Variants in RANBP3 observed in about 807,000 individuals in gnomAD.
The protein encoded by RANBP3 is ran-binding protein 3.
A neutral mutation model predicts 77.3 loss-of-function variants in RANBP3; 14 were observed. That is an observed-to-expected ratio of 0.18 (90% CI 0.12 to 0.28). RANBP3 has a LOEUF of 0.28. Ranked by LOEUF, RANBP3 falls within the 10% of genes least tolerant of loss-of-function variation. The pLI is 1.00. For synonymous variants in RANBP3, 315 were observed against 312.4 expected (o/e 1.01, Z -0.09); for missense variants, 586 against 752.3 (o/e 0.78, Z 2.59).
intron 1 of RANBP3, among the ~76,000 whole-genome samples, chr19:5,964,927 A>G (rs903881351): frequency 6.7e-6 from 1 of 149,404 alleles, no homozygotes; most frequent in Non-Finnish European, 1.5e-5. Flanking sequence ...TTATACCTGC[A>G]TGTGTCAGTG....
At chr19:5,964,852 T>TA (rs1400764745) in intron 1 of RANBP3, among the ~76,000 whole-genome samples, 1 of 16,996 alleles carries the variant, frequency 5.9e-5, no homozygotes, top group African/African-American at 1.8e-4. Flanking sequence ...GGTGGTAGGG[T>TA]GGGGGGGGGG....
rs957360391 is a variant in RANBP3 at position 5,924,097 on chromosome 19, A to T, written c.997-183T>A. On this transcript the variant is annotated intron_variant, in intron 11 of 16. Coordinates refer to ENST00000340578, the MANE Select transcript of RANBP3 (RefSeq NM_007322.3). The surrounding 1 kb of genome is among the most constrained non-coding windows in gnomAD (Gnocchi z 4.7). Reference sequence around the variant, plus strand: ...GTCCCTCAGGCATCACTACGGGGTGAGTGCCACCAGCCGACAGTCCCCTCG... The same window carrying T: ...GTCCCTCAGGCATCACTACGGGGTGTGTGCCACCAGCCGACAGTCCCCTCG... Among the ~76,000 whole-genome samples the T allele has an allele frequency of 2.0e-5, 3 of 152,052 alleles. No individual in the cohort carries two copies.
intron 2 of RANBP3, among the ~76,000 whole-genome samples, chr19:5,953,650 A>G (rs2058300842): frequency 6.6e-6 from 1 of 152,230 alleles, no homozygotes; most frequent in South Asian, 2.1e-4. Flanking sequence ...CTACATAAGG[A>G]TATTTAAATT....
Position 5,958,120 on chromosome 19 carries a change from C to T in RANBP3, c.23-147G>A. 1.4e-6 allele frequency: 1 copy of T among 736,290 alleles called. No homozygotes were observed. The highest frequency in any genetic ancestry group is 2.2e-6 in the Non-Finnish European group (1 of 451,378). The allele number at this position is 736,290 out of a possible 1,614,324, so 45.6% of individuals were successfully genotyped here. ...CAAATCACTTAGAACAGCGTCTTGA[C>T]TCGGATGCCTGGAGGCACAGGTGTG... On this transcript the variant is annotated intron_variant, in intron 1 of 16. Coordinates refer to ENST00000340578, the MANE Select transcript of RANBP3 (RefSeq NM_007322.3). The surrounding 1 kb of genome is among the most constrained non-coding windows in gnomAD (Gnocchi z 4.4).
In RANBP3 at chr19:5,917,816, A is replaced by C; in HGVS notation, c.1638T>G (p.Ala546=). 6.2e-7 allele frequency: 1 copy of C among 1,611,662 alleles called. No homozygotes were observed. Among genetic ancestry groups the C allele is most frequent in the Non-Finnish European group, 8.5e-7 (1 of 1,179,330 alleles). ...EDDSDDDDVL[A]PSGATAAGAG... is the part of the protein sequence containing the mutation. Reference sequence around the variant, plus strand: ...CACCAGCTGCGGTGGCCCCTGAAGGAGCCAGGACATCGTCATCGTCGCTGT... The same window carrying C: ...CACCAGCTGCGGTGGCCCCTGAAGGCGCCAGGACATCGTCATCGTCGCTGT... The change falls in exon 16 of 17, where the codon GCT becomes GCG. Residue 546 remains alanine, a synonymous_variant. Coordinates refer to ENST00000340578, the MANE Select transcript of RANBP3 (RefSeq NM_007322.3).
intron 5 of RANBP3, among the ~76,000 whole-genome samples, chr19:5,936,389 G>C (rs1394500940): frequency 6.6e-6 from 1 of 151,954 alleles, no homozygotes; most frequent in African/African-American, 2.4e-5. Flanking sequence ...TGTGGACAAA[G>C]GTGTGTCCCC....
intron 3 of RANBP3, among the ~76,000 whole-genome samples, chr19:5,948,368 C>T (rs981784861): frequency 4.0e-5 from 6 of 151,508 alleles, no homozygotes; most frequent in Admixed American, 1.3e-4. Context: ...AGGAGAACGG[C>T]GTGAACCCCA....
intron 1 of RANBP3, among the ~76,000 whole-genome samples, chr19:5,977,796 G>T (rs931506371): frequency 6.6e-6 from 1 of 152,200 alleles, no homozygotes; most frequent in Non-Finnish European, 1.5e-5. Context: ...ACGCAGAGGG[G>T]CCTTAGGGCT....
In RANBP3 at chr19:5,921,212, T is replaced by C. The variant is rs1294202501; in HGVS notation, c.1319A>G (p.Gln440Arg). ...DMASTDDGTLQSRLVMRTQGS... is the reference protein window; with the variant it reads ...DMASTDDGTLRSRLVMRTQGS... ...CGTCGGCAGCTCACCTAGTCGGGACTGTAGTGTGCCGTCATCGGTGGACGC... is the reference window on the plus strand; with the variant it reads ...CGTCGGCAGCTCACCTAGTCGGGACCGTAGTGTGCCGTCATCGGTGGACGC... Residue 440 changes from glutamine to arginine, a missense_variant, in exon 14 of 17, where the codon CAG becomes CGG. This residue lies in a region of RANBP3 where 51 missense variants were observed against 123.2 expected (regional missense o/e 0.41). Coordinates refer to ENST00000340578, the MANE Select transcript of RANBP3 (RefSeq NM_007322.3). This position sits in a 1 kb window ranked among gnomAD's most constrained non-coding sequence, Gnocchi z 5.3. 1.2e-6 allele frequency: 2 copies of C among 1,612,246 alleles called. No individual in the cohort carries two copies. The highest frequency in any genetic ancestry group is 4.5e-5 in the East Asian group (2 of 44,862).
chr19:5,965,150 A>AGGTG (rs2058451999), intron 1 of RANBP3, among the ~76,000 whole-genome samples: 1 of 151,998 alleles, frequency 6.6e-6, no homozygotes, highest in Non-Finnish European at 1.5e-5. Flanking sequence ...GGGCTTGAGG[A>AGGTG]GGTGGGCCCT....
At chr19:5,935,065 C>T (rs1419166852) in intron 5 of RANBP3, among the ~76,000 whole-genome samples, 2 of 152,142 alleles carry the variant, frequency 1.3e-5, no homozygotes, top group African/African-American at 4.8e-5. Flanking sequence ...GGTCGCACAA[C>T]TCTGTGGATG....
At chr19:5,945,366 A>C (rs369566775) in intron 3 of RANBP3, among the ~76,000 whole-genome samples, 21 of 152,198 alleles carry the variant, frequency 1.4e-4, no homozygotes, top group African/African-American at 4.8e-4. Context: ...TCAATTTCCT[A>C]GTTTCCGTTT....
chr19:5,944,576 G>T (rs2145153318), intron 3 of RANBP3, among the ~76,000 whole-genome samples: 1 of 152,356 alleles, frequency 6.6e-6, no homozygotes, highest in East Asian at 1.9e-4. Flanking sequence ...ACAGGCAGCT[G>T]TGAGAAACAA....
At chr19:5,925,566 T>C (rs966381101) in intron 10 of RANBP3, 68 bp downstream of exon 10, 2 of 1,411,166 alleles carry the variant, frequency 1.4e-6, no homozygotes, top group African/African-American at 2.8e-5. Flanking sequence ...CAGACCCCTC[T>C]CTGGCAGAAG....
chr19:5,975,582 C>G (rs1411459673), intron 1 of RANBP3, among the ~76,000 whole-genome samples: 2 of 149,896 alleles, frequency 1.3e-5, no homozygotes, highest in South Asian at 4.2e-4. Context: ...TGCAAGGGGG[C>G]AATCAGTGAT....
At chr19:5,947,508 C>T (rs895414860) in intron 3 of RANBP3, among the ~76,000 whole-genome samples, 27 of 152,078 alleles carry the variant, frequency 1.8e-4, no homozygotes, top group Admixed American at 6.5e-5. Flanking sequence ...AGGATGACAC[C>T]GGGGAATGCT....
In RANBP3 at chr19:5,917,984, G is replaced by A. The variant is rs2057765317; in HGVS notation, c.1474-4C>T. ...GACCTGTGTCCTTGGAGCTGGCCTG[G>A]GAAGGGAGGAGGGTATGAGACCCCC... On this transcript the variant is annotated splice_region_variant and splice_polypyrimidine_tract_variant and intron_variant, in intron 15 of 16. Transcript: ENST00000340578. The A allele has an allele frequency of 6.3e-7, 1 of 1,583,686 alleles. No individual in the cohort carries two copies.
chr19:5,925,525 G>C (rs1332848202), intron 10 of RANBP3, 109 bp downstream of exon 10: 22 of 946,892 alleles, frequency 2.3e-5, no homozygotes, highest in Non-Finnish European at 3.7e-5. Context: ...GAGCAACCTG[G>C]ATTCTGGGCC....
chr19:5,954,989 G>A (rs2145199709), intron 2 of RANBP3, among the ~76,000 whole-genome samples: 1 of 152,320 alleles, frequency 6.6e-6, no homozygotes, highest in South Asian at 2.1e-4. Context: ...CCTCTTCAGC[G>A]ACGGTGCCAC....
Sources: gnomAD v4.1 joint callset for allele counts (sites outside exome capture counted in the v4.1 genomes callset) on GRCh38, gnomAD v4.1.1 for gene constraint, gnomAD v4.1.1 regional missense constraint, Gnocchi (gnomAD v3.1) non-coding constraint, MANE v1.5 for transcripts, NCBI Gene and HGNC (gene_info 2026-07-23, HGNC 2026-07-21) for gene names.